Variants in KHDRBS2 observed in about 807,000 individuals in gnomAD.
KHDRBS2 encodes KH domain-containing, RNA-binding, signal transduction-associated protein 2.
In KHDRBS2, 26 loss-of-function variants were observed where a neutral mutation model predicts 44.3. That is an observed-to-expected ratio of 0.59 (90% CI 0.43 to 0.81). KHDRBS2 has a LOEUF of 0.81. KHDRBS2 is among the 40% of genes least tolerant of loss of function. KHDRBS2 has a pLI of 0.00. For synonymous variants in KHDRBS2, 194 were observed against 151.1 expected (o/e 1.28, Z -2.08); for missense variants, 476 against 433.1 (o/e 1.10, Z -0.88).
intron 3 of KHDRBS2, among the ~76,000 whole-genome samples, chr6:62,025,639 T>A (rs1303396718): frequency 2.6e-5 from 4 of 152,038 alleles, no homozygotes; most frequent in Non-Finnish European, 4.4e-5. Flanking sequence ...CAATTTTTTT[T>A]AATACTTTTT....
intron 3 of KHDRBS2, among the ~76,000 whole-genome samples, chr6:62,036,000 C>T (rs565471278): frequency 8.2e-4 from 124 of 152,078 alleles, no homozygotes; most frequent in African/African-American, 2.6e-3. Flanking sequence ...GGGAAACTCT[C>T]TCCTCCTAAA....
chr6:61,784,053 AC>A (rs987863478), intron 6 of KHDRBS2, among the ~76,000 whole-genome samples: 2 of 151,976 alleles, frequency 1.3e-5, no homozygotes, highest in Non-Finnish European at 2.9e-5. Context: ...TAAAAAATAA[AC>A]CCTAAAATTA....
the KHDRBS2 span, among the ~76,000 whole-genome samples, chr6:61,597,122 T>C: frequency 1.3e-5 from 2 of 152,238 alleles, no homozygotes; most frequent in African/African-American, 2.4e-5. Flanking sequence ...AAAAGTAAGA[T>C]AGTTTTTTAT....
At chr6:61,552,297 G>T in the KHDRBS2 span, among the ~76,000 whole-genome samples, 1 of 151,778 alleles carries the variant, frequency 6.6e-6, no homozygotes, top group African/African-American at 2.4e-5. Flanking sequence ...TTGCATTTTT[G>T]ATTTGGCTGC....
At chr6:62,278,891 G>A (rs1841386459) in intron 1 of KHDRBS2, among the ~76,000 whole-genome samples, 1 of 151,982 alleles carries the variant, frequency 6.6e-6, no homozygotes, top group Non-Finnish European at 1.5e-5. Context: ...TCAGGAGATT[G>A]AGACCATCCT....
the KHDRBS2 span, among the ~76,000 whole-genome samples, chr6:61,614,717 AGTTTTTGCTGT>A: frequency 2.6e-5 from 4 of 152,064 alleles, no homozygotes; most frequent in African/African-American, 9.7e-5. Context: ...AGTGTGGGGA[AGTTTTTGCTGT>A]ATTTTATTTA....
At chr6:61,820,253 C>G (rs1789682042) in intron 6 of KHDRBS2, among the ~76,000 whole-genome samples, 1 of 151,972 alleles carries the variant, frequency 6.6e-6, no homozygotes, top group African/African-American at 2.4e-5. Context: ...TCATGAGATT[C>G]TAGTTGAGGG....
At chr6:61,989,172 A>G (rs1039663794) in intron 3 of KHDRBS2, among the ~76,000 whole-genome samples, 1 of 152,202 alleles carries the variant, frequency 6.6e-6, no homozygotes, top group Non-Finnish European at 1.5e-5. Flanking sequence ...TGAAATATAT[A>G]TAAACCCTTT....
intron 6 of KHDRBS2, among the ~76,000 whole-genome samples, chr6:61,842,932 T>C (rs1325537351): frequency 1.3e-5 from 2 of 151,838 alleles, no homozygotes; most frequent in Non-Finnish European, 2.9e-5. Context: ...AAACTATCTG[T>C]ATAGATTACA....
At chr6:62,141,861 T>C (rs1812885304) in intron 2 of KHDRBS2, among the ~76,000 whole-genome samples, 2 of 152,158 alleles carry the variant, frequency 1.3e-5, no homozygotes, top group Admixed American at 1.3e-4. Context: ...TTCAGTCAAA[T>C]GTATTATATC....
At chr6:62,057,777 A>C (rs1454936016) in intron 2 of KHDRBS2, among the ~76,000 whole-genome samples, 3 of 151,946 alleles carry the variant, frequency 2.0e-5, no homozygotes, top group African/African-American at 7.2e-5. Context: ...AAGACAATTA[A>C]ATTTGTATAA....
intron 2 of KHDRBS2, among the ~76,000 whole-genome samples, chr6:62,062,503 C>T (rs1316158154): frequency 1.3e-5 from 2 of 152,010 alleles, no homozygotes; most frequent in Non-Finnish European, 2.9e-5. Flanking sequence ...TACGTGGAAA[C>T]TGAACAACCT....
the KHDRBS2 span, among the ~76,000 whole-genome samples, chr6:61,673,655 GA>G: frequency 7.3e-6 from 1 of 137,088 alleles, no homozygotes. Flanking sequence ...GCCAAATCAT[GA>G]GTGAACTCCC....
At chr6:61,642,667 A>G in the KHDRBS2 span, among the ~76,000 whole-genome samples, 4 of 151,704 alleles carry the variant, frequency 2.6e-5, no homozygotes, top group Non-Finnish European at 4.4e-5. Context: ...CATCAAAAAA[A>G]AAAAAAAGAA....
intron 6 of KHDRBS2, among the ~76,000 whole-genome samples, chr6:61,830,154 C>A (rs549996049): frequency 4.5e-4 from 69 of 152,114 alleles, no homozygotes; most frequent in Admixed American, 2.7e-3. Context: ...TAATTAAATT[C>A]TCCAAGCAGA....
chr6:62,276,107 G>A (rs779733167), intron 1 of KHDRBS2, among the ~76,000 whole-genome samples: 4 of 152,040 alleles, frequency 2.6e-5, no homozygotes, highest in Non-Finnish European at 2.9e-5. Flanking sequence ...AAATATCTAC[G>A]CTCTAGAGAA....
rs1783128384 is a variant in KHDRBS2, at chr6:61,782,685, T to TTA, written c.811-49922_811-49921insTA. On this transcript the variant is annotated intron_variant, in intron 6 of 8. Coordinates refer to ENST00000281156, the MANE Select transcript of KHDRBS2 (RefSeq NM_152688.4). ...CATTTTTTATACCTGTGTATAAAGG[T>TTA]TGTGTATATATATATATATATATAT... Among the ~76,000 whole-genome samples, 4 of 44,344 alleles carry TTA rather than the reference T, an allele frequency of 9.0e-5. No homozygotes were observed. In the South Asian group the frequency reaches 4.1e-3, roughly 46 times the overall value. The allele number at this position is 44,344 out of a possible 152,430, so 29.1% of individuals were successfully genotyped here.
chr6:61,771,167 A>G (rs1472375695), intron 6 of KHDRBS2, among the ~76,000 whole-genome samples: 1 of 152,218 alleles, frequency 6.6e-6, no homozygotes, highest in Non-Finnish European at 1.5e-5. Flanking sequence ...GGCCTGCCCT[A>G]AAAGAACTCC....
At chr6:62,092,187 T>C (rs1239170299) in intron 2 of KHDRBS2, among the ~76,000 whole-genome samples, 1 of 152,046 alleles carries the variant, frequency 6.6e-6, no homozygotes, top group Non-Finnish European at 1.5e-5. Context: ...GAGACTCTTG[T>C]TCATTCCCCT....
Sources: gnomAD v4.1 joint callset for allele counts (sites outside exome capture counted in the v4.1 genomes callset) on GRCh38, gnomAD v4.1.1 for gene constraint, MANE v1.5 for transcripts, NCBI Gene and HGNC (gene_info 2026-07-23, HGNC 2026-07-21) for gene names.